SMIM31: variants seen among roughly 807,000 people sequenced by gnomAD.
SMIM31 encodes small integral membrane protein 31.
chr4:164,780,575 A>G (rs1321097863), intron 2 of SMIM31, among the ~76,000 whole-genome samples: 1 of 152,276 alleles, frequency 6.6e-6, no homozygotes, highest in African/African-American at 2.4e-5. Flanking sequence ...TAGAAGCTGT[A>G]AAAGGATCAG....
At chr4:164,758,817 T>A (rs1579059084) in intron 1 of SMIM31, among the ~76,000 whole-genome samples, 1 of 28,966 alleles carries the variant, frequency 3.5e-5, no homozygotes, top group Admixed American at 4.8e-4. Flanking sequence ...TTTTTTTTTT[T>A]TTTTTTTTTT....
chr4:164,759,221 G>T (rs1479446600), intron 1 of SMIM31, among the ~76,000 whole-genome samples: 4 of 151,880 alleles, frequency 2.6e-5, no homozygotes, highest in Non-Finnish European at 5.9e-5. Context: ...ACTAATCCAG[G>T]CCTCATAAAA....
chr4:164,758,633 T>G (rs1220329201), intron 1 of SMIM31, among the ~76,000 whole-genome samples: 2 of 123,034 alleles, frequency 1.6e-5, no homozygotes, highest in East Asian at 4.5e-4. Flanking sequence ...TTTTTTTGTT[T>G]TTTTTTTTTT....
chr4:164,760,295 T>G (rs1314234061), intron 1 of SMIM31, among the ~76,000 whole-genome samples: 2 of 152,312 alleles, frequency 1.3e-5, no homozygotes, highest in Non-Finnish European at 2.9e-5. Context: ...CTTAAAATGC[T>G]GTCTTAAGGG....
intron 1 of SMIM31, 107 bp downstream of exon 1, chr4:164,754,518 A>G (rs976954301): frequency 3.4e-5 from 5 of 148,406 alleles, no homozygotes; most frequent in Non-Finnish European, 5.9e-5. Flanking sequence ...TGCCACAGCT[A>G]AGAAATTTTA....
rs758951225 is a variant in SMIM31 at position 164,768,427 on chromosome 4, CAAAAAA to C, written c.-25-1981_-25-1976del. 2.4e-4 allele frequency among the ~76,000 whole-genome samples: 23 copies of C among 94,690 alleles called. 2 individuals are homozygous for C. In the South Asian group the frequency reaches 7.3e-3, roughly 30 times the overall value. The allele number at this position is 94,690 out of a possible 152,430, so 62.1% of individuals were successfully genotyped here. On this transcript the variant is annotated intron_variant, in intron 1 of 2. Transcript: ENST00000507311. Reference sequence around the variant, plus strand: ...CTGGGTGACGAGCAACAGTACATCTCAAAAAAAAAAAAAAAAGAATGAGGATTCTGT... The same window carrying C: ...CTGGGTGACGAGCAACAGTACATCTCAAAAAAAAAAGAATGAGGATTCTGT...
intron 2 of SMIM31, among the ~76,000 whole-genome samples, chr4:164,783,321 C>T (rs1048878285): frequency 6.6e-6 from 1 of 150,648 alleles, no homozygotes; most frequent in African/African-American, 2.4e-5. Context: ...GTCAGGAATT[C>T]AAGACCAGCC....
At chr4:164,756,322 G>A (rs1732559951) in intron 1 of SMIM31, among the ~76,000 whole-genome samples, 2 of 152,102 alleles carry the variant, frequency 1.3e-5, no homozygotes, top group African/African-American at 2.4e-5. Context: ...TGTAATCCCA[G>A]CACTTTGGGA....
In SMIM31 at chr4:164,779,055, T is replaced by C. The variant is rs189799549; in HGVS notation, c.112+8500T>C. On this transcript the variant is annotated intron_variant, in intron 2 of 2. Coordinates refer to ENST00000507311, the MANE Select transcript of SMIM31 (RefSeq NM_001352885.1). Reference sequence around the variant, plus strand: ...TTTTTCAACTGAGGGTTTCTTTAACTACCTTAAAGTTGTGTTTGTAATTAA... The same window carrying C: ...TTTTTCAACTGAGGGTTTCTTTAACCACCTTAAAGTTGTGTTTGTAATTAA... 3.0e-4 allele frequency among the ~76,000 whole-genome samples: 46 copies of C among 152,166 alleles called. 1 individual carries two copies. Among genetic ancestry groups the C allele is most frequent in the Admixed American group, 2.2e-3 (33 of 15,278 alleles).
chr4:164,780,383 C>T lies in SMIM31; in HGVS notation c.112+9828C>T, dbSNP rs553443203. ...TGGAGGTTGCAGTGAGCCGAGATTG[C>T]GCCACTGCACTCCAGCCTGGGTGAC... On this transcript the variant is annotated intron_variant, in intron 2 of 2. Coordinates refer to ENST00000507311, the MANE Select transcript of SMIM31 (RefSeq NM_001352885.1). Among the ~76,000 whole-genome samples, 23 of 152,270 alleles carry T rather than the reference C, an allele frequency of 1.5e-4. 1 individual carries two copies. In the Middle Eastern group the frequency reaches 0.01, roughly 68 times the overall value.
intron 2 of SMIM31, among the ~76,000 whole-genome samples, chr4:164,784,149 G>A (rs6822113): frequency 0.56 from 85,688 of 152,050 alleles, 24,433 homozygotes; most frequent in African/African-American, 0.62. Context: ...TGGGAGTTGA[G>A]ACTAATACTG....
intron 2 of SMIM31, among the ~76,000 whole-genome samples, chr4:164,774,003 A>C (rs1356860189): frequency 2.0e-5 from 3 of 151,982 alleles, no homozygotes; most frequent in African/African-American, 7.3e-5. Flanking sequence ...CGTCTCTACT[A>C]AAAACACAAA....
At chr4:164,779,879 A>G (rs6842082) in intron 2 of SMIM31, among the ~76,000 whole-genome samples, 32,698 of 152,134 alleles carry the variant, frequency 0.21, 9,768 homozygotes, top group African/African-American at 0.68. Flanking sequence ...AATTTTGAGA[A>G]CAGGCAACAA....
At chr4:164,769,840 G>C (rs1732770603) in intron 1 of SMIM31, among the ~76,000 whole-genome samples, 1 of 152,258 alleles carries the variant, frequency 6.6e-6, no homozygotes, top group South Asian at 2.1e-4. Flanking sequence ...TTGGCTGGTT[G>C]GTTGGTTGGT....
intron 1 of SMIM31, among the ~76,000 whole-genome samples, chr4:164,769,372 C>T (rs112380877): frequency 1.3e-5 from 2 of 152,004 alleles, no homozygotes; most frequent in African/African-American, 2.4e-5. Context: ...CTTTGCTTAA[C>T]CCATTGTATC....
chr4:164,782,279 A>C (rs1429558335), intron 2 of SMIM31, among the ~76,000 whole-genome samples: 16 of 151,828 alleles, frequency 1.1e-4, no homozygotes, highest in Admixed American at 1.0e-3. Context: ...ACCAGAGTGA[A>C]ACTCCGTCTC....
intron 2 of SMIM31, among the ~76,000 whole-genome samples, chr4:164,770,821 AT>A (rs34670172): frequency 0.49 from 75,050 of 151,898 alleles, 19,162 homozygotes; most frequent in Admixed American, 0.58. Context: ...CCAGTACCAC[AT>A]TTTTTTCCTC....
At chr4:164,757,649 G>A (rs894149648) in intron 1 of SMIM31, among the ~76,000 whole-genome samples, 7 of 150,676 alleles carry the variant, frequency 4.6e-5, no homozygotes, top group African/African-American at 1.2e-4. Context: ...ATGTCTCATC[G>A]TTCCACCACT....
Position 164,787,239 on chromosome 4 carries a change from G to C in SMIM31, c.113-13852G>C, listed in dbSNP as rs148548553. On this transcript the variant is annotated intron_variant, in intron 2 of 2. Coordinates refer to ENST00000507311, the MANE Select transcript of SMIM31 (RefSeq NM_001352885.1). Reference sequence around the variant, plus strand: ...GACAGCATTTGGAGAGATACTAAATGGTGTGCCAAGATTTTTTTAAACTAC... The same window carrying C: ...GACAGCATTTGGAGAGATACTAAATCGTGTGCCAAGATTTTTTTAAACTAC... The C allele has an allele frequency of 3.2e-4, 49 of 152,120 alleles. No homozygotes were observed. In the East Asian group the frequency reaches 9.1e-3, roughly 28 times the overall value. 9.4% of individuals were successfully genotyped at this position (152,120 alleles called of 1,614,324 possible).
Sources: gnomAD v4.1 joint callset for allele counts (sites outside exome capture counted in the v4.1 genomes callset) on GRCh38, gnomAD v4.1.1 for gene constraint, MANE v1.5 for transcripts, NCBI Gene and HGNC (gene_info 2026-07-23, HGNC 2026-07-21) for gene names.